Variants in FUBP3 observed in about 807,000 individuals in gnomAD.
FUBP3 encodes the protein far upstream element binding protein 3.
FUBP3 carries 28 observed loss-of-function variants against 85.6 expected under a neutral mutation model. The ratio of observed to expected loss-of-function variants is 0.33; its 90% confidence interval spans 0.24 to 0.45. The LOEUF (loss-of-function observed/expected upper bound fraction) is 0.45, where lower values mean the gene tolerates loss of function less well. Among genes scored for constraint, FUBP3 ranks in the 20% least tolerant of loss-of-function variants. FUBP3 has a pLI of 1.00. For synonymous variants in FUBP3, 271 were observed against 271.4 expected (o/e 1.00, Z 0.01); for missense variants, 583 against 755.1 (o/e 0.77, Z 2.67).
At chr9:130,585,485 G>C in intron 1 of FUBP3, among the ~76,000 whole-genome samples, 1 of 152,324 alleles carries the variant, frequency 6.6e-6, no homozygotes, top group East Asian at 1.9e-4. Context: ...ACCTTGGGCT[G>C]GGTTGGGCTT....
Position 130,617,900 on chromosome 9 carries a change from G to A in FUBP3, c.666+5G>A. ...GGAGATGCATTTAAAGTACAGGTAG[G>A]AAAGTGCCATGGGTTGGGTGAGTCC... On this transcript the variant is annotated splice_donor_5th_base_variant and intron_variant, in intron 8 of 18. Transcript: ENST00000319725. The A allele has an allele frequency of 6.7e-7, 1 of 1,496,598 alleles. No homozygotes were observed. Among genetic ancestry groups the A allele is most frequent in the Non-Finnish European group, 9.3e-7 (1 of 1,076,040 alleles). 92.7% of individuals were successfully genotyped at this position (1,496,598 alleles called of 1,614,324 possible).
intron 1 of FUBP3, among the ~76,000 whole-genome samples, chr9:130,594,350 A>C (rs1327354302): frequency 6.6e-6 from 1 of 152,124 alleles, no homozygotes; most frequent in East Asian, 1.9e-4. Context: ...TGGGAGGCCG[A>C]GGCAGGCAGA....
intron 1 of FUBP3, among the ~76,000 whole-genome samples, chr9:130,592,643 A>G (rs1015585748): frequency 6.6e-6 from 1 of 152,166 alleles, no homozygotes; most frequent in Non-Finnish European, 1.5e-5. Flanking sequence ...ACCCCGGCTC[A>G]AGCAGTCCTC....
chr9:130,617,706 A>G, intron 7 of FUBP3, 91 bp from the exon 8 acceptor site: 1 of 846,204 alleles, frequency 1.2e-6, no homozygotes, highest in Non-Finnish European at 2.1e-6. Context: ...ATGTGCGCTT[A>G]TTGTGGGTGT....
At position 130,616,249 on chromosome 9, in the gene FUBP3, C is replaced by A; in HGVS notation, c.405-106C>A. 4 of 1,018,800 alleles carry A rather than the reference C, an allele frequency of 3.9e-6. No homozygotes were observed. The highest frequency in any genetic ancestry group is 5.9e-6 in the Non-Finnish European group (4 of 678,024). The allele number at this position is 1,018,800 out of a possible 1,614,324, so 63.1% of individuals were successfully genotyped here. ...GCAGGAGCTGGAGCTGGATGGAGGG[C>A]TGCCCTGACTCCCGCAGGTTTTTCC... On this transcript the variant is annotated intron_variant, in intron 6 of 18. Transcript: ENST00000319725. This position sits in a 1 kb window ranked among gnomAD's most constrained non-coding sequence, Gnocchi z 4.7.
chr9:130,612,620 C>A lies in FUBP3; in HGVS notation c.274+115C>A. The A allele has an allele frequency of 1.3e-6, 1 of 742,342 alleles. No homozygotes were observed. Among genetic ancestry groups the A allele is most frequent in the Non-Finnish European group, 2.4e-6 (1 of 417,668 alleles). 46.0% of individuals were successfully genotyped at this position (742,342 alleles called of 1,614,324 possible). On this transcript the variant is annotated intron_variant, in intron 4 of 18. Transcript: ENST00000319725. This position sits in a 1 kb window ranked among gnomAD's most constrained non-coding sequence, Gnocchi z 4.1. ...TTGTTTTAATCTCTCTTGTGAGTAT[C>A]ACCTGTAGTAGAATGCTTTGCACAT... is the stretch of plus-strand genomic sequence containing the variant.
At chr9:130,589,527 A>G (rs1013865518) in intron 1 of FUBP3, among the ~76,000 whole-genome samples, 1 of 150,694 alleles carries the variant, frequency 6.6e-6, no homozygotes, top group Non-Finnish European at 1.5e-5. Flanking sequence ...TATTTTTAGT[A>G]GAGACGGGGT....
At chr9:130,602,345 T>C (rs1455282119) in intron 2 of FUBP3, among the ~76,000 whole-genome samples, 1 of 152,020 alleles carries the variant, frequency 6.6e-6, no homozygotes, top group African/African-American at 2.4e-5. Flanking sequence ...GCAGGAAGAG[T>C]GAAATAGACT....
intron 2 of FUBP3, among the ~76,000 whole-genome samples, chr9:130,599,119 C>T (rs1049314713): frequency 9.9e-5 from 15 of 152,220 alleles, no homozygotes; most frequent in African/African-American, 3.4e-4. Context: ...GGTGAAACCC[C>T]GTCTCTACTA....
At chr9:130,622,397 C>T (rs534467045) in intron 9 of FUBP3, among the ~76,000 whole-genome samples, 46 of 149,770 alleles carry the variant, frequency 3.1e-4, no homozygotes, top group African/African-American at 1.1e-3. Flanking sequence ...TTTGGGAGGC[C>T]GAGGTGGGCG....
At position 130,631,576 on chromosome 9, in the gene FUBP3, C is replaced by T; in HGVS notation, c.1298C>T (p.Pro433Leu). 1 of 1,614,012 alleles carries T rather than the reference C, an allele frequency of 6.2e-7. No homozygotes were observed. The highest frequency in any genetic ancestry group is 1.3e-5 in the African/African-American group (1 of 75,078). ...EKVGGTNLGA[P>L]GAFGQSPFSQ... ...CCACAGGGGACCAATCTCGGAGCAC[C>T]TGGAGCCTTCGGACAGAGTCCATTC... Residue 433 changes from proline (P) to leucine (L), a missense_variant, in exon 14 of 19, where the codon CCT becomes CTT. Coordinates refer to ENST00000319725, the MANE Select transcript of FUBP3 (RefSeq NM_003934.2).
intron 3 of FUBP3, among the ~76,000 whole-genome samples, chr9:130,611,739 A>G (rs1000693871): frequency 1.3e-5 from 2 of 150,594 alleles, no homozygotes; most frequent in Non-Finnish European, 3.0e-5. Flanking sequence ...CAAATTGGAC[A>G]TTGTCCACAA....
chr9:130,626,625 G>C, intron 12 of FUBP3, 120 bp downstream of exon 12: 1 of 1,003,248 alleles, frequency 1.0e-6, no homozygotes, highest in Non-Finnish European at 1.5e-6. Flanking sequence ...GGGCTGCCCG[G>C]TCTGGAGGCA....
At chr9:130,607,881 G>A (rs1831540870) in intron 2 of FUBP3, among the ~76,000 whole-genome samples, 1 of 152,190 alleles carries the variant, frequency 6.6e-6, no homozygotes, top group Non-Finnish European at 1.5e-5. Flanking sequence ...GCGGCTCTCA[G>A]CAGCCCATCT....
intron 1 of FUBP3, among the ~76,000 whole-genome samples, chr9:130,585,795 C>T (rs898027450): frequency 6.6e-6 from 1 of 152,190 alleles, no homozygotes; most frequent in African/African-American, 2.4e-5. Flanking sequence ...AACCCTTAGA[C>T]ATTCAGAGCA....
At chr9:130,614,799 G>C (rs1352021933) in intron 6 of FUBP3, among the ~76,000 whole-genome samples, 3 of 152,268 alleles carry the variant, frequency 2.0e-5, no homozygotes, top group East Asian at 3.9e-4. Context: ...TCGTGACTTT[G>C]CTCTACTCAG....
intron 12 of FUBP3, among the ~76,000 whole-genome samples, chr9:130,629,184 G>A (rs1006023152): frequency 6.6e-6 from 1 of 152,180 alleles, no homozygotes; most frequent in African/African-American, 2.4e-5. Flanking sequence ...AGGTCCCCTA[G>A]GAGGGGCTTG....
chr9:130,610,122 G>GT, intron 3 of FUBP3, 135 bp downstream of exon 3: 2 of 696,746 alleles, frequency 2.9e-6, no homozygotes, highest in South Asian at 3.5e-5. Context: ...TAAGACTCGA[G>GT]TTTTTTGCTA....
chr9:130,632,495 C>G (rs1301362684), intron 16 of FUBP3, among the ~76,000 whole-genome samples: 1 of 152,240 alleles, frequency 6.6e-6, no homozygotes, highest in Non-Finnish European at 1.5e-5. Flanking sequence ...CTGCACAAAC[C>G]TCAGGCGGGC....
Sources: gnomAD v4.1 joint callset for allele counts (sites outside exome capture counted in the v4.1 genomes callset) on GRCh38, gnomAD v4.1.1 for gene constraint, Gnocchi (gnomAD v3.1) non-coding constraint, MANE v1.5 for transcripts, NCBI Gene and HGNC (gene_info 2026-07-23, HGNC 2026-07-21) for gene names.